ZNF516: variants seen among roughly 807,000 people sequenced by gnomAD.
ZNF516 encodes zinc finger protein 516.
In ZNF516, 19 loss-of-function variants were observed where a neutral mutation model predicts 79.7. The ratio of observed to expected loss-of-function variants is 0.24; its 90% CI spans 0.17 to 0.35. The LOEUF (loss-of-function observed/expected upper bound fraction) is 0.35. Ranked by LOEUF, ZNF516 falls within the 10% of genes least tolerant of loss-of-function variation. The pLI is 1.00. For missense variants in ZNF516, 1,678 were observed against 1,679.5 expected, an observed-to-expected ratio of 1.00 and a Z score of 0.02; for synonymous variants, 877 against 739.5, an observed-to-expected ratio of 1.19 and a Z score of -3.02.
At chr18:76,456,246 AC>A (rs1406538035) in intron 2 of ZNF516, among the ~76,000 whole-genome samples, 10 of 152,210 alleles carry the variant, frequency 6.6e-5, no homozygotes, top group African/African-American at 2.4e-4. Flanking sequence ...TGCCTTGCTA[AC>A]TCTGGGGCGA....
At chr18:76,423,851 G>A (rs1226321664) in intron 3 of ZNF516, among the ~76,000 whole-genome samples, 2 of 137,094 alleles carry the variant, frequency 1.5e-5, no homozygotes, top group East Asian at 2.3e-4. Flanking sequence ...AGGTGAAAAG[G>A]CTCCCCCAAA....
chr18:76,475,243 T>A (rs894639738), intron 1 of ZNF516, among the ~76,000 whole-genome samples: 5 of 152,210 alleles, frequency 3.3e-5, no homozygotes, highest in Non-Finnish European at 7.3e-5. Context: ...AACAGGTGAT[T>A]CACAAGAGAG....
At chr18:76,392,307 T>A (rs1315408441) in intron 3 of ZNF516, among the ~76,000 whole-genome samples, 1 of 152,158 alleles carries the variant, frequency 6.6e-6, no homozygotes, top group Admixed American at 6.5e-5. Context: ...TAATAACAGG[T>A]TATAGTTTTA....
intron 4 of ZNF516, among the ~76,000 whole-genome samples, chr18:76,376,533 CA>C (rs10708911): frequency 0.52 from 69,119 of 132,588 alleles, 18,480 homozygotes; most frequent in East Asian, 0.74. Context: ...CTCTCTCTTT[CA>C]AAAAAAAAAA....
At position 76,366,274 on chromosome 18, in the gene ZNF516, T is replaced by G. The variant is rs562654874; in HGVS notation, c.3433-3717A>C. Among the ~76,000 whole-genome samples the G allele has an allele frequency of 4.6e-5, 7 of 152,320 alleles. 1 individual carries two copies. Among genetic ancestry groups the G allele is most frequent in the Admixed American group, 4.6e-4 (7 of 15,302 alleles). On this transcript the variant is annotated intron_variant, in intron 6 of 6. Coordinates refer to ENST00000443185, the MANE Select transcript of ZNF516 (RefSeq NM_014643.4). ...GCTGAGATAGACGGTATATCACAAT[T>G]TCTCAGAATTTTCCAGTATAGAATA... is the stretch of plus-strand genomic sequence containing the variant.
At position 76,459,245 on chromosome 18, in the gene ZNF516, C is replaced by A. The variant is rs896269519; in HGVS notation, c.-158+3783G>T. Among the ~76,000 whole-genome samples the A allele has an allele frequency of 2.6e-5, 4 of 152,210 alleles. No homozygotes were observed. Among genetic ancestry groups the A allele is most frequent in the African/African-American group, 7.2e-5 (3 of 41,464 alleles). On this transcript the variant is annotated intron_variant, in intron 2 of 6. Transcript: ENST00000443185. This position sits in a 1 kb window ranked among gnomAD's most constrained non-coding sequence, Gnocchi z 5.0. ...GCTCTCTCCCTGCCCCGAGCTTCGG[C>A]TTCTCCTCCATGCACGGTCACTGCT...
chr18:76,454,613 GT>G (rs1274121193), intron 2 of ZNF516, among the ~76,000 whole-genome samples: 1 of 152,188 alleles, frequency 6.6e-6, no homozygotes, highest in African/African-American at 2.4e-5. Flanking sequence ...ATCAGAGAAT[GT>G]TTACAAAGAG....
At chr18:76,377,302 C>T (rs1169888869) in intron 4 of ZNF516, among the ~76,000 whole-genome samples, 1 of 152,392 alleles carries the variant, frequency 6.6e-6, no homozygotes, top group East Asian at 1.9e-4. Flanking sequence ...GGTGTCCGGG[C>T]CTACGGCCTC....
chr18:76,360,640 A>AAAAAAT lies in ZNF516; in HGVS notation c.*1857_*1858insATTTTT, dbSNP rs1555693907. 1.9e-5 allele frequency: 2 copies of AAAAAAT among 107,496 alleles called. No homozygotes were observed. Among genetic ancestry groups the AAAAAAT allele is most frequent in the South Asian group, 3.4e-4 (1 of 2,942 alleles). The allele number at this position is 107,496 out of a possible 1,614,324, so 6.7% of individuals were successfully genotyped here. On this transcript the variant is annotated 3_prime_UTR_variant, in exon 7 of 7. Coordinates refer to ENST00000443185, the MANE Select transcript of ZNF516 (RefSeq NM_014643.4). ...TATCAGAAAAAAATAAGTAAAAAAA[A>AAAAAAT]AAAAAAATATATATATATATATATA... is the stretch of plus-strand genomic sequence containing the variant.
At chr18:76,428,412 A>G (rs1443275781) in intron 3 of ZNF516, among the ~76,000 whole-genome samples, 1 of 151,658 alleles carries the variant, frequency 6.6e-6, no homozygotes, top group Non-Finnish European at 1.5e-5. Flanking sequence ...AAAAAAAAGA[A>G]AGAAATCCAT....
chr18:76,399,100 C>G (rs35971322), intron 3 of ZNF516, among the ~76,000 whole-genome samples: 2,452 of 152,306 alleles, frequency 0.016, 36 homozygotes, highest in Middle Eastern at 0.044. Flanking sequence ...TAGATGGCAC[C>G]TGCGCCCAAG....
intron 3 of ZNF516, among the ~76,000 whole-genome samples, chr18:76,411,852 C>G (rs542241623): frequency 8.5e-5 from 13 of 152,324 alleles, no homozygotes; most frequent in Admixed American, 8.5e-4. Flanking sequence ...ACCCCTCCAG[C>G]ATAAAGCAGT....
At chr18:76,488,378 C>A (rs2145821075) in intron 1 of ZNF516, among the ~76,000 whole-genome samples, 1 of 152,284 alleles carries the variant, frequency 6.6e-6, no homozygotes. Flanking sequence ...GCAATAAATG[C>A]AAATTCAGGG....
At chr18:76,496,308 C>G (rs1354894411), upstream of ZNF516, 8 of 1,289,646 alleles carry the variant, frequency 6.2e-6, no homozygotes, top group Non-Finnish European at 8.1e-6. Context: ...TCCTTCTCCT[C>G]GTGATAACTC....
chr18:76,416,940 AC>A (rs1281128005), intron 3 of ZNF516, among the ~76,000 whole-genome samples: 1 of 152,194 alleles, frequency 6.6e-6, no homozygotes, highest in Non-Finnish European at 1.5e-5. Context: ...AGAAAAAAAA[AC>A]GAATGCAGAA....
At chr18:76,489,999 G>A (rs1385274464) in intron 1 of ZNF516, 2 of 191,736 alleles carry the variant, frequency 1.0e-5, no homozygotes, top group Non-Finnish European at 1.9e-5. Flanking sequence ...AGGTTAATGC[G>A]CTCTGGTGTT....
intron 6 of ZNF516, among the ~76,000 whole-genome samples, chr18:76,368,141 G>C (rs1297800984): frequency 2.0e-5 from 3 of 152,056 alleles, no homozygotes; most frequent in Non-Finnish European, 4.4e-5. Context: ...AATCTATAAG[G>C]TATCTTAAAT....
At position 76,359,052 on chromosome 18, in the gene ZNF516, C is replaced by G. The variant is rs2074494978; in HGVS notation, c.*3446G>C. On this transcript the variant is annotated 3_prime_UTR_variant, in exon 7 of 7. Coordinates refer to ENST00000443185, the MANE Select transcript of ZNF516 (RefSeq NM_014643.4). ...ATGAAACCCACATGTGCCGGAGCCCCTGCAGAGGTGTTCTCACACCCTCAG... is the reference window on the plus strand; with the variant it reads ...ATGAAACCCACATGTGCCGGAGCCCGTGCAGAGGTGTTCTCACACCCTCAG... 1 of 152,232 alleles carries G rather than the reference C, an allele frequency of 6.6e-6. No homozygotes were observed. The highest frequency in any genetic ancestry group is 2.4e-5 in the African/African-American group (1 of 41,438). The allele number at this position is 152,232 out of a possible 1,614,324, so 9.4% of individuals were successfully genotyped here. A position where few individuals can be genotyped will look rare whatever the true frequency, so the allele number is the denominator to read the frequency against.
rs375553640 is a variant in ZNF516, at chr18:76,480,037, G to A, written c.-272+15107C>T. The stretch of plus-strand genomic sequence containing the variant: ...ATTTCTAACTCAACCCTGGCACCAG[G>A]CGGCGGTTTGTGGCGGGGCGCCCCT... On this transcript the variant is annotated intron_variant, in intron 1 of 6. Transcript: ENST00000443185. Among the ~76,000 whole-genome samples the A allele has an allele frequency of 3.4e-4, 51 of 152,200 alleles. 1 individual carries two copies. The East Asian group carries it at 6.8e-3, about 20-fold the overall frequency.
Sources: allele counts gnomAD v4.1 joint callset (sites outside exome capture counted in the v4.1 genomes callset), GRCh38; gene constraint gnomAD v4.1.1; non-coding constraint Gnocchi (gnomAD v3.1); transcripts MANE v1.5; gene names NCBI Gene and HGNC (gene_info 2026-07-23, HGNC 2026-07-21).